Variants in ANXA2 observed in about 807,000 individuals in gnomAD.
The protein encoded by ANXA2 is annexin II.
In ANXA2, 28 loss-of-function variants were observed where a neutral mutation model predicts 47.3. That is an observed-to-expected ratio of 0.59 (90% CI 0.44 to 0.81). ANXA2 has a LOEUF of 0.81. Ranked by LOEUF, ANXA2 falls within the 40% of genes least tolerant of loss-of-function variation. ANXA2 has a pLI of 0.00. For missense variants in ANXA2, 384 were observed against 414.3 expected, an observed-to-expected ratio of 0.93 and a Z score of 0.64; for synonymous variants, 172 against 155.5, an observed-to-expected ratio of 1.11 and a Z score of -0.79.
At chr15:60,367,395 G>A (rs1211772110) in intron 3 of ANXA2, among the ~76,000 whole-genome samples, 1 of 86,126 alleles carries the variant, frequency 1.2e-5, no homozygotes, top group African/African-American at 5.3e-5. Flanking sequence ...GAGGGAGGCG[G>A]GGGGGGGTCG....
intron 5 of ANXA2, among the ~76,000 whole-genome samples, chr15:60,358,168 C>A (rs1350470127): frequency 6.6e-6 from 1 of 152,172 alleles, no homozygotes; most frequent in Non-Finnish European, 1.5e-5. Context: ...ACTCTTCAGG[C>A]ACTTTAGGGA....
At chr15:60,374,198 C>A (rs2062747391) in intron 3 of ANXA2, among the ~76,000 whole-genome samples, 1 of 152,204 alleles carries the variant, frequency 6.6e-6, no homozygotes, top group Non-Finnish European at 1.5e-5. Context: ...ACTTGGTAAT[C>A]TCACCGGCTG....
intron 12 of ANXA2, 66 bp from the exon 13 acceptor site, chr15:60,347,755 A>G: frequency 7.3e-7 from 1 of 1,364,844 alleles, no homozygotes; most frequent in Non-Finnish European, 1.0e-6. Context: ...TCAATAACAC[A>G]GAAGTAGCCT....
At chr15:60,371,320 G>A (rs150858907) in intron 3 of ANXA2, among the ~76,000 whole-genome samples, 370 of 152,346 alleles carry the variant, frequency 2.4e-3, no homozygotes, top group African/African-American at 8.4e-3. Context: ...CAAGGTGCCA[G>A]TAGAAACCTG....
At chr15:60,366,033 T>C (rs1440805373) in intron 3 of ANXA2, among the ~76,000 whole-genome samples, 2 of 136,272 alleles carry the variant, frequency 1.5e-5, no homozygotes, top group Non-Finnish European at 3.2e-5. Context: ...TTTTTTTTGG[T>C]GGAGACGGGG....
At chr15:60,354,351 C>G in intron 7 of ANXA2, 138 bp from the exon 8 acceptor site, 1 of 756,584 alleles carries the variant, frequency 1.3e-6, no homozygotes, top group African/African-American at 1.8e-5. Context: ...TACTTTGAAA[C>G]ATAGATGGGG....
At chr15:60,349,555 T>G (rs1895893134) in intron 11 of ANXA2, among the ~76,000 whole-genome samples, 1 of 152,070 alleles carries the variant, frequency 6.6e-6, no homozygotes, top group African/African-American at 2.4e-5. Flanking sequence ...TATAAAACAT[T>G]CCTGGTCCCA....
chr15:60,382,274 A>C, intron 3 of ANXA2, 68 bp downstream of exon 3: 1 of 1,214,082 alleles, frequency 8.2e-7, no homozygotes, highest in Non-Finnish European at 1.2e-6. Context: ...GATTTGAGGG[A>C]GAATAAAGAG....
In ANXA2 at chr15:60,376,396, A is replaced by C. The variant is rs187500282; in HGVS notation, c.148+5946T>G. 3.1e-3 allele frequency among the ~76,000 whole-genome samples: 469 copies of C among 151,804 alleles called. 5 individuals are homozygous for C. Among genetic ancestry groups the C allele is most frequent in the African/African-American group, 0.011 (435 of 41,324 alleles). On this transcript the variant is annotated intron_variant, in intron 3 of 12. Coordinates refer to ENST00000451270, the MANE Select transcript of ANXA2 (RefSeq NM_004039.3). ...ACTCTGTCTCAAAAAAAAAAAAAGA[A>C]GACGACGACGACAGATGCCATAACA... is the stretch of plus-strand genomic sequence containing the variant.
intron 5 of ANXA2, among the ~76,000 whole-genome samples, chr15:60,360,534 G>A (rs1257309223): frequency 2.0e-5 from 3 of 152,214 alleles, no homozygotes; most frequent in African/African-American, 7.2e-5. Context: ...GACAGAGAGA[G>A]TATGGGAGGA....
rs1182340982 is a variant in ANXA2, at chr15:60,352,770, G to C, written c.589-294C>G. On this transcript the variant is annotated intron_variant, in intron 8 of 12. Coordinates refer to ENST00000451270, the MANE Select transcript of ANXA2 (RefSeq NM_004039.3). The surrounding 1 kb of genome is among the most constrained non-coding windows in gnomAD (Gnocchi z 4.2). ...GACCAAGAGCTTGTATTCATATAAA[G>C]AAGAACAAGTAAATGTTCATTAACA... is the stretch of plus-strand genomic sequence containing the variant. Among the ~76,000 whole-genome samples, 3 of 152,176 alleles carry C rather than the reference G, an allele frequency of 2.0e-5. No homozygotes were observed. The highest frequency in any genetic ancestry group is 2.9e-5 in the Non-Finnish European group (2 of 68,028).
At chr15:60,374,064 G>C (rs2062745150) in intron 3 of ANXA2, among the ~76,000 whole-genome samples, 1 of 152,198 alleles carries the variant, frequency 6.6e-6, no homozygotes, top group Non-Finnish European at 1.5e-5. Flanking sequence ...TCAACTCGGG[G>C]AAAGTGTAGT....
chr15:60,388,562 T>C (rs1431782255), intron 1 of ANXA2, among the ~76,000 whole-genome samples: 1 of 151,700 alleles, frequency 6.6e-6, no homozygotes, highest in Admixed American at 6.6e-5. Flanking sequence ...CTTATTTCCA[T>C]TTAATTTCCT....
intron 11 of ANXA2, among the ~76,000 whole-genome samples, chr15:60,350,349 T>C (rs962080889): frequency 5.3e-5 from 8 of 151,976 alleles, no homozygotes; most frequent in African/African-American, 1.9e-4. Context: ...GCAGTCTGAG[T>C]CTCCATATGT....
At position 60,347,607 on chromosome 15, in the gene ANXA2, G is replaced by T. The variant is rs1387870478; in HGVS notation, c.*23C>A. The T allele has an allele frequency of 6.2e-7, 1 of 1,612,380 alleles. No homozygotes were observed. The highest frequency in any genetic ancestry group is 8.5e-7 in the Non-Finnish European group (1 of 1,178,556). The stretch of plus-strand genomic sequence containing the variant: ...TGGAAGCATGGTGAGCACCATTTCT[G>T]GACGCTCAGGCCGTGTCGGGCTTCA... On this transcript the variant is annotated 3_prime_UTR_variant, in exon 13 of 13. Transcript: ENST00000451270.
intron 3 of ANXA2, among the ~76,000 whole-genome samples, chr15:60,372,559 A>T (rs1413244415): frequency 6.6e-6 from 1 of 152,080 alleles, no homozygotes; most frequent in Non-Finnish European, 1.5e-5. Context: ...CTTACTACTG[A>T]TTTGGGCATA....
At chr15:60,393,356 G>GTT in intron 1 of ANXA2, 1 of 999,538 alleles carries the variant, frequency 1.0e-6, no homozygotes, top group Non-Finnish European at 1.2e-6. Context: ...CACTTTCAGG[G>GTT]TTGGGAAATC....
chr15:60,378,919 T>C (rs1050006066), intron 3 of ANXA2, among the ~76,000 whole-genome samples: 5 of 151,924 alleles, frequency 3.3e-5, no homozygotes, highest in Admixed American at 2.0e-4. Context: ...TGAGCCGAGA[T>C]TGTGCCACTG....
At position 60,397,937 on chromosome 15, in the gene ANXA2, G is replaced by A. The variant is rs758134140; in HGVS notation, c.-12+6C>T. The A allele has an allele frequency of 6.9e-6, 9 of 1,303,312 alleles. No homozygotes were observed. The highest frequency in any genetic ancestry group is 7.8e-6 in the Non-Finnish European group (8 of 1,024,692). The allele number at this position is 1,303,312 out of a possible 1,614,324, so 80.7% of individuals were successfully genotyped here. A position where few individuals can be genotyped will look rare whatever the true frequency, so the allele number is the denominator to read the frequency against. On this transcript the variant is annotated splice_donor_region_variant and intron_variant, in intron 1 of 12. Transcript: ENST00000451270. ...ATCGCGGGCGGGCAGGGCGCGCCCC[G>A]CTTACCTGGGCCGTGCGCCGAGAGC...
Sources: allele counts gnomAD v4.1 joint callset (sites outside exome capture counted in the v4.1 genomes callset), GRCh38; gene constraint gnomAD v4.1.1; non-coding constraint Gnocchi (gnomAD v3.1); transcripts MANE v1.5; gene names NCBI Gene and HGNC (gene_info 2026-07-23, HGNC 2026-07-21).